Variants in ZNF469 observed in about 807,000 individuals in gnomAD.
ZNF469 encodes the protein zinc finger protein 469.
A neutral mutation model predicts 1.0 loss-of-function variants in ZNF469; 1 was observed. That is an observed-to-expected ratio of 1.00 (90% CI 0.35 to 4.73). The LOEUF (loss-of-function observed/expected upper bound fraction) is 4.73, where lower values mean the gene tolerates loss of function less well. Ranked by LOEUF, ZNF469 falls within the 30% of genes most tolerant of loss-of-function variation. ZNF469 has a pLI of 0.16. For missense variants in ZNF469, 6,100 were observed against 5,356.3 expected, an observed-to-expected ratio of 1.14 and a Z score of -4.33; for synonymous variants, 2,703 against 2,363.4, an observed-to-expected ratio of 1.14 and a Z score of -4.17.
chr16:88,226,465 T>G, the ZNF469 span, among the ~76,000 whole-genome samples: 1 of 152,102 alleles, frequency 6.6e-6, no homozygotes, highest in African/African-American at 2.4e-5. Flanking sequence ...GAGCAGACCC[T>G]TCCCAGCGCC....
chr16:88,188,635 C>A, the ZNF469 span, among the ~76,000 whole-genome samples: 1 of 152,136 alleles, frequency 6.6e-6, no homozygotes, highest in African/African-American at 2.4e-5. Context: ...TCTGGGATGC[C>A]CCAGAACTTG....
the ZNF469 span, among the ~76,000 whole-genome samples, chr16:88,260,328 C>T: frequency 6.6e-6 from 1 of 152,186 alleles, no homozygotes; most frequent in Non-Finnish European, 1.5e-5. The surrounding 1 kb of genome is among the most constrained non-coding windows in gnomAD (Gnocchi z 4.1). Flanking sequence ...AATGAGGGAA[C>T]GAGTGTTTCC....
At position 88,439,187 on chromosome 16, in the gene ZNF469, A is replaced by T; in HGVS notation, c.11717A>T (p.Lys3906Met). ...GGGAGACCCCTGCTCAGGCCCCCCA[A>T]GAGGGGCACAGCTGTCCACGGTGCT... ...PQGRPLLRPPKRGTAVHGAEP... is the reference protein window; with the variant it reads ...PQGRPLLRPPMRGTAVHGAEP... The change falls in exon 3 of 3, where the codon AAG (lysine) becomes ATG (methionine). Residue 3906 changes from lysine to methionine, a missense_variant. By Grantham distance (95) the Lys-to-Met change is moderately conservative. Coordinates refer to ENST00000565624, the MANE Select transcript of ZNF469 (RefSeq NM_001367624.2). 4 of 1,550,404 alleles carry T rather than the reference A, an allele frequency of 2.6e-6. No homozygotes were observed. The highest frequency in any genetic ancestry group is 3.5e-6 in the Non-Finnish European group (4 of 1,146,964).
chr16:88,200,182 G>T, the ZNF469 span, among the ~76,000 whole-genome samples: 2 of 152,188 alleles, frequency 1.3e-5, no homozygotes, highest in Non-Finnish European at 2.9e-5. Flanking sequence ...CCAAACCCCG[G>T]CAGGCTTCAC....
rs1206084119 is a variant in ZNF469 at position 88,428,596 on chromosome 16, C to T, written c.1126C>T (p.Leu376=). 5.8e-6 allele frequency: 9 copies of T among 1,550,232 alleles called. No homozygotes were observed. The East Asian group carries it at 2.2e-4, about 38-fold the overall frequency. The change falls in exon 3 of 3, where the codon CTG becomes TTG. Residue 376 remains leucine (L), a synonymous_variant. Transcript: ENST00000565624. ...RPFSDSLHKS[L]TKILPERPPS... is the part of the protein sequence containing the mutation. Reference sequence around the variant, plus strand: ...CTTCTCTGACAGTTTACACAAGAGCCTGACCAAAATCCTTCCCGAAAGACC... The same window carrying T: ...CTTCTCTGACAGTTTACACAAGAGCTTGACCAAAATCCTTCCCGAAAGACC...
chr16:88,245,665 C>T, the ZNF469 span, among the ~76,000 whole-genome samples: 1 of 152,264 alleles, frequency 6.6e-6, no homozygotes, highest in Non-Finnish European at 1.5e-5. Context: ...AAGTGTCCTT[C>T]TCCCCCTTGC....
chr16:88,111,633 T>A, the ZNF469 span, among the ~76,000 whole-genome samples: 1 of 152,110 alleles, frequency 6.6e-6, no homozygotes, highest in East Asian at 1.9e-4. Context: ...CGTGTTTTTG[T>A]TTGTTTTGTT....
At chr16:88,144,154 A>G in the ZNF469 span, among the ~76,000 whole-genome samples, 1 of 152,198 alleles carries the variant, frequency 6.6e-6, no homozygotes, top group Non-Finnish European at 1.5e-5. Flanking sequence ...GGCTTGGTCC[A>G]GCCTGTGGCA....
the ZNF469 span, among the ~76,000 whole-genome samples, chr16:88,222,159 A>G: frequency 6.6e-6 from 1 of 152,324 alleles, no homozygotes; most frequent in East Asian, 1.9e-4. Flanking sequence ...CAGAATGTGA[A>G]TCCTTATCTC....
chr16:88,219,234 C>G, the ZNF469 span, among the ~76,000 whole-genome samples: 117,327 of 149,116 alleles, frequency 0.79, 47,724 homozygotes, highest in Non-Finnish European at 0.89. Context: ...CATCAAGCTA[C>G]CAATGCCTTT....
chr16:88,384,734 A>G (rs2092533543), intron 1 of ZNF469, among the ~76,000 whole-genome samples: 1 of 152,212 alleles, frequency 6.6e-6, no homozygotes, highest in Non-Finnish European at 1.5e-5. Context: ...TAATGCCCCG[A>G]GGCTGGCAGC....
In ZNF469 at chr16:88,427,727, C is replaced by T; in HGVS notation, c.257C>T (p.Thr86Ile). Residue 86 changes from threonine to isoleucine, a missense_variant, in exon 3 of 3, where the codon ACC (threonine) becomes ATC (isoleucine). Transcript: ENST00000565624. ...PSLRGQAPSS[T>I]PGKRGSPQTP... Reference sequence around the variant, plus strand: ...CTGAGAGGCCAGGCCCCGAGCAGCACCCCTGGGAAGAGGGGCAGCCCCCAG... The same window carrying T: ...CTGAGAGGCCAGGCCCCGAGCAGCATCCCTGGGAAGAGGGGCAGCCCCCAG... 1.3e-6 allele frequency: 2 copies of T among 1,538,370 alleles called. No homozygotes were observed. Among genetic ancestry groups the T allele is most frequent in the Non-Finnish European group, 1.7e-6 (2 of 1,144,148 alleles).
At chr16:88,353,603 C>T in the ZNF469 span, among the ~76,000 whole-genome samples, 5 of 152,344 alleles carry the variant, frequency 3.3e-5, no homozygotes, top group South Asian at 6.2e-4. Context: ...CTTCCCTGCT[C>T]GGTGTTGCTT....
chr16:88,144,122 GGC>G, the ZNF469 span, among the ~76,000 whole-genome samples: 6 of 152,202 alleles, frequency 3.9e-5, no homozygotes, highest in Non-Finnish European at 8.8e-5. Flanking sequence ...GTACGCCCGG[GGC>G]CGTCCCGGAG....
At chr16:88,388,949 A>G (rs1180439092) in intron 1 of ZNF469, among the ~76,000 whole-genome samples, 1 of 151,338 alleles carries the variant, frequency 6.6e-6, no homozygotes, top group Non-Finnish European at 1.5e-5. Flanking sequence ...CCGGGGAGCC[A>G]GGTGCCAGGG....
chr16:88,368,411 G>A, the ZNF469 span, among the ~76,000 whole-genome samples: 5 of 152,208 alleles, frequency 3.3e-5, no homozygotes, highest in African/African-American at 9.7e-5. Context: ...GGGGTTCTGC[G>A]AGGTGGGGGG....
upstream of ZNF469, among the ~76,000 whole-genome samples, chr16:88,380,513 GCA>G (rs1478842562): frequency 2.7e-4 from 24 of 89,352 alleles, no homozygotes; most frequent in Admixed American, 9.7e-4. Flanking sequence ...ACACAGACAT[GCA>G]CACACACGCA....
the ZNF469 span, among the ~76,000 whole-genome samples, chr16:88,279,295 G>C: frequency 6.6e-6 from 1 of 151,352 alleles, no homozygotes; most frequent in Non-Finnish European, 1.5e-5. Flanking sequence ...TGCACAGTTA[G>C]TGCTGTGCCA....
At chr16:88,258,146 A>T in the ZNF469 span, among the ~76,000 whole-genome samples, 417 of 152,324 alleles carry the variant, frequency 2.7e-3, no homozygotes, top group African/African-American at 9.6e-3. Flanking sequence ...TAATAGACAA[A>T]CATAACAGAG....
Sources: allele counts gnomAD v4.1 joint callset (sites outside exome capture counted in the v4.1 genomes callset), GRCh38; gene constraint gnomAD v4.1.1; non-coding constraint Gnocchi (gnomAD v3.1); transcripts MANE v1.5; gene names NCBI Gene and HGNC (gene_info 2026-07-23, HGNC 2026-07-21).